The following CLEC2D variants were observed in gnomAD, a reference collection of about 807,000 sequenced individuals.
The protein encoded by CLEC2D is C-type lectin domain family 2 member D.
In CLEC2D, 16 loss-of-function variants were observed where a neutral mutation model predicts 20.0. That is an observed-to-expected ratio of 0.80 (90% CI 0.54 to 1.22). The LOEUF (loss-of-function observed/expected upper bound fraction) is 1.22. Among genes scored for constraint, CLEC2D ranks in the 50% most tolerant of loss-of-function variants. The probability of loss-of-function intolerance (pLI) is 0.00; values close to 1 mark genes in which losing one functional copy is unlikely to be tolerated. For missense variants in CLEC2D, 207 were observed against 221.5 expected (o/e 0.93, Z 0.42); for synonymous variants, 77 against 71.1 (o/e 1.08, Z -0.42).
chr12:9,695,299 T>A lies in CLEC2D; in HGVS notation c.*425T>A, dbSNP rs1007447329. 8.0e-6 allele frequency: 6 copies of A among 754,532 alleles called. No homozygotes were observed. In the African/African-American group the frequency reaches 8.6e-5, roughly 11 times the overall value. 46.7% of individuals were successfully genotyped at this position (754,532 alleles called of 1,614,324 possible). A position where few individuals can be genotyped will look rare whatever the true frequency, so the allele number is the denominator to read the frequency against. On this transcript the variant is annotated 3_prime_UTR_variant, in exon 5 of 5. Coordinates refer to ENST00000290855, the MANE Select transcript of CLEC2D (RefSeq NM_013269.6). The stretch of plus-strand genomic sequence containing the variant: ...AACAGTATGGGGCTCCCTGGTGTGA[T>A]TCCGTCCTGCGCGGCTGTTCTCTGG...
intron 1 of CLEC2D, among the ~76,000 whole-genome samples, chr12:9,670,377 A>G (rs1454122420): frequency 6.6e-6 from 1 of 152,216 alleles, no homozygotes; most frequent in Non-Finnish European, 1.5e-5. Flanking sequence ...CTTAGGACTT[A>G]AAAGTTTGGA....
chr12:9,686,205 T>A (rs1443781776), intron 2 of CLEC2D, among the ~76,000 whole-genome samples: 1 of 151,774 alleles, frequency 6.6e-6, no homozygotes, highest in Non-Finnish European at 1.5e-5. Context: ...CCCAGTGAGA[T>A]GATCCTGGTA....
At position 9,695,216 on chromosome 12, in the gene CLEC2D, A is replaced by T; in HGVS notation, c.*342A>T. The T allele has an allele frequency of 4.9e-6, 3 of 606,820 alleles. No individual in the cohort carries two copies. Among genetic ancestry groups the T allele is most frequent in the Non-Finnish European group, 8.8e-6 (3 of 339,902 alleles). 37.6% of individuals were successfully genotyped at this position (606,820 alleles called of 1,614,324 possible). A position where few individuals can be genotyped will look rare whatever the true frequency, so the allele number is the denominator to read the frequency against. On this transcript the variant is annotated 3_prime_UTR_variant, in exon 5 of 5. Transcript: ENST00000290855. ...AGTCATGTCTTATGTGGTGGCAGGC[A>T]GGGGGACTTGTGCACAGGAACTCCT...
intron 1 of CLEC2D, among the ~76,000 whole-genome samples, chr12:9,673,554 T>G (rs962891471): frequency 2.0e-5 from 3 of 152,270 alleles, no homozygotes; most frequent in African/African-American, 4.8e-5. Flanking sequence ...CCCGCTTATG[T>G]AGAGAATCTG....
At chr12:9,693,306 T>G (rs1213925509) in intron 4 of CLEC2D, 2 of 493,256 alleles carry the variant, frequency 4.1e-6, no homozygotes, top group African/African-American at 3.8e-5. Flanking sequence ...AGGGAAAGAT[T>G]ATGAGTGACA....
intron 3 of CLEC2D, among the ~76,000 whole-genome samples, chr12:9,690,568 A>G (rs1865841408): frequency 6.6e-6 from 1 of 152,088 alleles, no homozygotes; most frequent in South Asian, 2.1e-4. Flanking sequence ...AAAATTATAA[A>G]TATGATAGTG....
In CLEC2D at chr12:9,676,133, T is replaced by C. The variant is rs115163319; in HGVS notation, c.62-4790T>C. On this transcript the variant is annotated intron_variant, in intron 1 of 4. Transcript: ENST00000290855. ...CTCATCTGTATACCTTTTATTTCCT[T>C]TATTTCCTTTTCTTGTCTTACTGCA... is the stretch of plus-strand genomic sequence containing the variant. 8.6e-3 allele frequency among the ~76,000 whole-genome samples: 1,309 copies of C among 152,298 alleles called. 17 individuals are homozygous for C. The highest frequency in any genetic ancestry group is 0.034 in the Middle Eastern group (10 of 294).
At chr12:9,675,835 A>G (rs752235202) in intron 1 of CLEC2D, among the ~76,000 whole-genome samples, 15 of 152,226 alleles carry the variant, frequency 9.9e-5, no homozygotes, top group Non-Finnish European at 1.6e-4. Flanking sequence ...GTAGTTTTCC[A>G]CATATAGATT....
At chr12:9,675,311 TCAGCCTCCTGAGTAGCTGGGACTA>T (rs1465655035) in intron 1 of CLEC2D, among the ~76,000 whole-genome samples, 1 of 151,086 alleles carries the variant, frequency 6.6e-6, no homozygotes, top group African/African-American at 2.4e-5. Context: ...TTCTCCTGCC[TCAGCCTCCTGAGTAGCTGGGACTA>T]CAGACACCTG....
intron 1 of CLEC2D, among the ~76,000 whole-genome samples, chr12:9,675,422 CTGACCTCATGATCCACCTGCCT>C (rs1277713367): frequency 6.6e-6 from 1 of 152,116 alleles, no homozygotes; most frequent in Non-Finnish European, 1.5e-5. Context: ...TATAGATCTC[CTGACCTCATGATCCACCTGCCT>C]TGGCCTCCCA....
intron 2 of CLEC2D, among the ~76,000 whole-genome samples, chr12:9,685,568 G>C (rs1865730476): frequency 1.3e-5 from 2 of 152,172 alleles, no homozygotes; most frequent in African/African-American, 4.8e-5. Context: ...AGGCAGTCCG[G>C]CTGCAGTGGC....
chr12:9,687,840 T>C, intron 2 of CLEC2D, 62 bp from the exon 3 acceptor site: 1 of 1,026,504 alleles, frequency 9.7e-7, no homozygotes, highest in Non-Finnish European at 1.3e-6. Context: ...CACTTGGTAA[T>C]TTATACAATA....
rs1005985378 is a variant in CLEC2D, at chr12:9,697,699, A to G, written c.*2825A>G. The G allele has an allele frequency of 2.8e-5, 4 of 140,804 alleles. No individual in the cohort carries two copies. The highest frequency in any genetic ancestry group is 6.1e-5 in the Non-Finnish European group (4 of 65,378). 8.7% of individuals were successfully genotyped at this position (140,804 alleles called of 1,614,324 possible). A position where few individuals can be genotyped will look rare whatever the true frequency, so the allele number is the denominator to read the frequency against. On this transcript the variant is annotated 3_prime_UTR_variant, in exon 5 of 5. Transcript: ENST00000290855. ...AGACACAGAAAAAAAATGTTGCATG[A>G]TCTCACTTATAGTGAAACTTAAAAA...
At chr12:9,677,751 G>GTC (rs1865554315) in intron 1 of CLEC2D, among the ~76,000 whole-genome samples, 1 of 136,510 alleles carries the variant, frequency 7.3e-6, no homozygotes, top group African/African-American at 2.8e-5. Flanking sequence ...TTGAGACAGA[G>GTC]TCTCGCTCTG....
At chr12:9,670,957 G>C (rs4763738) in intron 1 of CLEC2D, among the ~76,000 whole-genome samples, 1 of 152,138 alleles carries the variant, frequency 6.6e-6, no homozygotes, top group Non-Finnish European at 1.5e-5. Context: ...AGGAGTTTAT[G>C]AATAATGTTC....
chr12:9,669,833 G>A (rs779585997), intron 1 of CLEC2D, 38 bp downstream of exon 1: 25 of 1,505,926 alleles, frequency 1.7e-5, no homozygotes, highest in Non-Finnish European at 2.2e-5. Flanking sequence ...TGTGAGGACT[G>A]GAATGGGAAG....
At chr12:9,690,123 C>CT (rs1865833383) in intron 3 of CLEC2D, among the ~76,000 whole-genome samples, 1 of 151,966 alleles carries the variant, frequency 6.6e-6, no homozygotes, top group South Asian at 2.1e-4. Flanking sequence ...TGAAGCAACT[C>CT]ATCATTTACA....
chr12:9,671,392 T>G (rs1442470451), intron 1 of CLEC2D, among the ~76,000 whole-genome samples: 7 of 152,130 alleles, frequency 4.6e-5, no homozygotes, highest in African/African-American at 1.7e-4. Flanking sequence ...GGCTACTTTT[T>G]TGTATTTTTA....
chr12:9,671,922 C>G (rs1367897104), intron 1 of CLEC2D, among the ~76,000 whole-genome samples: 1 of 151,924 alleles, frequency 6.6e-6, no homozygotes, highest in African/African-American at 2.4e-5. Flanking sequence ...ATTTTTAGAG[C>G]CATTTTGGGA....
Sources: allele counts gnomAD v4.1 joint callset (sites outside exome capture counted in the v4.1 genomes callset), GRCh38; gene constraint gnomAD v4.1.1; transcripts MANE v1.5; gene names NCBI Gene and HGNC (gene_info 2026-07-23, HGNC 2026-07-21).